FZR1: variants seen among roughly 807,000 people sequenced by gnomAD.
FZR1 encodes the protein fizzy and cell division cycle 20 related 1, also known as fizzy-related protein homolog.
Under a neutral mutation model 63.6 loss-of-function variants are expected in FZR1, and 11 were observed. The observed-to-expected ratio is 0.17, with a 90% CI of 0.11 to 0.29. FZR1 has a LOEUF of 0.29. FZR1 is among the 10% of genes least tolerant of loss of function. The probability of loss-of-function intolerance (pLI) is 1.00; values close to 1 mark genes in which losing one functional copy is unlikely to be tolerated. For synonymous variants in FZR1, 328 were observed against 297.9 expected (o/e 1.10, Z -1.04); for missense variants, 440 against 687.5 (o/e 0.64, Z 4.03).
chr19:3,511,985 A>G (rs1347693338), intron 1 of FZR1, among the ~76,000 whole-genome samples: 1 of 152,184 alleles, frequency 6.6e-6, no homozygotes, highest in Admixed American at 6.5e-5. Flanking sequence ...GTTCTGGTCC[A>G]GAGTCCACCT....
Position 3,527,020 on chromosome 19 carries a change from A to G in FZR1, c.428A>G (p.Asn143Ser). The G allele has an allele frequency of 6.2e-7, 1 of 1,612,842 alleles. No homozygotes were observed. Among genetic ancestry groups the G allele is most frequent in the Non-Finnish European group, 8.5e-7 (1 of 1,179,764 alleles). ...STKRSSPDDG[N>S]DVSPYSLSPV... The stretch of plus-strand genomic sequence containing the variant: ...AAGCGCTCCAGCCCCGATGACGGCA[A>G]CGATGTGTCTCCCTACTCCCTGTCT... Residue 143 changes from asparagine to serine, a missense_variant, in exon 6 of 14, where the codon AAC becomes AGC. Transcript: ENST00000441788.
In FZR1 at chr19:3,526,877, T is replaced by C; in HGVS notation, c.388-103T>C. 1.2e-6 allele frequency: 1 copy of C among 811,400 alleles called. No individual in the cohort carries two copies. Among genetic ancestry groups the C allele is most frequent in the Non-Finnish European group, 2.1e-6 (1 of 484,740 alleles). The allele number at this position is 811,400 out of a possible 1,614,324, so 50.3% of individuals were successfully genotyped here. A position where few individuals can be genotyped will look rare whatever the true frequency, so the allele number is the denominator to read the frequency against. ...CTGCTCCACACAGGGTCTCAGCACC[T>C]GCCTTAGGGCTATGAGCTGTACCGG... is the stretch of plus-strand genomic sequence containing the variant. On this transcript the variant is annotated intron_variant, in intron 5 of 13. Transcript: ENST00000441788. This position sits in a 1 kb window ranked among gnomAD's most constrained non-coding sequence, Gnocchi z 5.4.
intron 6 of FZR1, 117 bp downstream of exon 6, chr19:3,527,179 A>C (rs2083168889): frequency 1.2e-6 from 1 of 825,966 alleles, no homozygotes; most frequent in Admixed American, 1.8e-5. Flanking sequence ...GCGAGGCTGA[A>C]GGGGGCTTCC....
chr19:3,512,610 C>T (rs747846259), intron 1 of FZR1, among the ~76,000 whole-genome samples: 11 of 152,160 alleles, frequency 7.2e-5, no homozygotes, highest in Non-Finnish European at 1.6e-4. Flanking sequence ...CTGGGTGCTT[C>T]GCCCGCCTTG....
At position 3,526,070 on chromosome 19, in the gene FZR1, G is replaced by C. The variant is rs879104160; in HGVS notation, c.196-50G>C. ...CTCCCAGCCTCCTTGCTCTAGGGCC[G>C]GGAACAAGCGGGCTCCTCGACCCCT... On this transcript the variant is annotated intron_variant, in intron 3 of 13. Transcript: ENST00000441788. This position sits in a 1 kb window ranked among gnomAD's most constrained non-coding sequence, Gnocchi z 5.4. 2 of 1,611,124 alleles carry C rather than the reference G, an allele frequency of 1.2e-6. No individual in the cohort carries two copies. The highest frequency in any genetic ancestry group is 1.7e-6 in the Non-Finnish European group (2 of 1,178,734).
At chr19:3,507,382 C>G (rs567800339) in intron 1 of FZR1, among the ~76,000 whole-genome samples, 1 of 152,026 alleles carries the variant, frequency 6.6e-6, no homozygotes, top group East Asian at 1.9e-4. Context: ...GACACCCCCT[C>G]CCCCTCTTCC....
Position 3,515,614 on chromosome 19 carries a change from A to C in FZR1, c.-34-7342A>C, listed in dbSNP as rs1249655138. On this transcript the variant is annotated intron_variant, in intron 1 of 13. Coordinates refer to ENST00000441788, the MANE Select transcript of FZR1 (RefSeq NM_016263.4). This position sits in a 1 kb window ranked among gnomAD's most constrained non-coding sequence, Gnocchi z 4.6. ...AAACCCCGTCTCTACTAAAAATACA[A>C]AAAATTAGGCACTACAGTGGCGGGC... is the stretch of plus-strand genomic sequence containing the variant. 6.6e-6 allele frequency among the ~76,000 whole-genome samples: 1 copy of C among 152,008 alleles called. No homozygotes were observed. The highest frequency in any genetic ancestry group is 2.4e-5 in the African/African-American group (1 of 41,356).
rs2083053310 is a variant in FZR1, at chr19:3,515,623, G to GC, written c.-34-7332dup. ...CTCTACTAAAAATACAAAAAATTAG[G>GC]CACTACAGTGGCGGGCCCCTGTAGT... On this transcript the variant is annotated intron_variant, in intron 1 of 13. Transcript: ENST00000441788. The surrounding 1 kb of genome is among the most constrained non-coding windows in gnomAD (Gnocchi z 4.6). 6.6e-6 allele frequency among the ~76,000 whole-genome samples: 1 copy of GC among 151,858 alleles called. No homozygotes were observed. The highest frequency in any genetic ancestry group is 1.5e-5 in the Non-Finnish European group (1 of 67,968).
intron 7 of FZR1, 61 bp downstream of exon 7, chr19:3,527,875 A>G (rs560830225): frequency 7.6e-4 from 1,016 of 1,341,296 alleles, no homozygotes; most frequent in East Asian, 1.7e-3. Context: ...GCAGACCTCA[A>G]TGTACCCACC....
chr19:3,534,227 TAAA>T (rs3040391), intron 12 of FZR1, 191 bp from the exon 13 acceptor site: 9,037 of 279,462 alleles, frequency 0.032, no homozygotes, highest in East Asian at 0.082. Context: ...GTCTTAAAAT[TAAA>T]AAAAAAAAAA....
intron 7 of FZR1, among the ~76,000 whole-genome samples, chr19:3,528,510 C>CTCTCCCCTGTGTGTGTGTG (rs1259957389): frequency 1.4e-5 from 2 of 148,060 alleles, no homozygotes; most frequent in Non-Finnish European, 3.0e-5. Flanking sequence ...CCCATGCAGG[C>CTCTCCCCTGTGTGTGTGTG]TCTCCCCTGT....
chr19:3,535,093 A>G lies in FZR1; in HGVS notation c.*257A>G. On this transcript the variant is annotated 3_prime_UTR_variant, in exon 14 of 14. Coordinates refer to ENST00000441788, the MANE Select transcript of FZR1 (RefSeq NM_016263.4). ...TCTCCCTTCCCAAAGGGCGAGAACC[A>G]CATTGGACGGTCCCGGCTCAGACCG... The G allele has an allele frequency of 1.8e-6, 1 of 557,618 alleles. No individual in the cohort carries two copies. Among genetic ancestry groups the G allele is most frequent in the Non-Finnish European group, 3.2e-6 (1 of 310,706 alleles). 34.5% of individuals were successfully genotyped at this position (557,618 alleles called of 1,614,324 possible).
chr19:3,534,228 A>T (rs1295188086), intron 12 of FZR1, 193 bp from the exon 13 acceptor site: 20 of 39,008 alleles, frequency 5.1e-4, no homozygotes, highest in East Asian at 5.3e-3. Flanking sequence ...TCTTAAAATT[A>T]AAAAAAAAAA....
chr19:3,518,911 G>A (rs1312635117), intron 1 of FZR1, among the ~76,000 whole-genome samples: 2 of 152,220 alleles, frequency 1.3e-5, no homozygotes, highest in Non-Finnish European at 2.9e-5. Flanking sequence ...CACCTGGAAT[G>A]CTTCTCCACC....
chr19:3,510,993 G>A (rs556654475), intron 1 of FZR1, among the ~76,000 whole-genome samples: 1 of 152,350 alleles, frequency 6.6e-6, no homozygotes, highest in Non-Finnish European at 1.5e-5. Flanking sequence ...GCCTCACCTC[G>A]CCTGGGACCC....
chr19:3,527,595 C>T (rs1258736151), intron 6 of FZR1, 36 bp from the exon 7 acceptor site: 3 of 1,558,642 alleles, frequency 1.9e-6, no homozygotes, highest in Non-Finnish European at 8.7e-7. Flanking sequence ...GACCCAAGTG[C>T]CGTGGCTCAC....
chr19:3,508,035 C>T (rs1163897928), intron 1 of FZR1, among the ~76,000 whole-genome samples: 4 of 150,354 alleles, frequency 2.7e-5, no homozygotes, highest in African/African-American at 7.4e-5. Context: ...TGGTACCCGC[C>T]AGTTTGCCCC....
rs1312498799 is a variant in FZR1, at chr19:3,526,907, G to A, written c.388-73G>A. ...TAGGGCTATGAGCTGTACCGGGAGC[G>A]TGGGCTGCTGGGGGGCTCTGAGGGT... On this transcript the variant is annotated intron_variant, in intron 5 of 13. Transcript: ENST00000441788. The surrounding 1 kb of genome is among the most constrained non-coding windows in gnomAD (Gnocchi z 5.4). The A allele has an allele frequency of 2.3e-5, 24 of 1,021,684 alleles. No homozygotes were observed. Among genetic ancestry groups the A allele is most frequent in the Admixed American group, 8.5e-5 (5 of 58,486 alleles). 63.3% of individuals were successfully genotyped at this position (1,021,684 alleles called of 1,614,324 possible).
intron 1 of FZR1, among the ~76,000 whole-genome samples, chr19:3,511,023 CACAG>C (rs978774405): frequency 3.3e-5 from 5 of 152,270 alleles, no homozygotes; most frequent in East Asian, 1.9e-4. Context: ...AGCTGCATGA[CACAG>C]ACAGAGATGC....
Sources: gnomAD v4.1 joint callset for allele counts (sites outside exome capture counted in the v4.1 genomes callset) on GRCh38, gnomAD v4.1.1 for gene constraint, Gnocchi (gnomAD v3.1) non-coding constraint, MANE v1.5 for transcripts, NCBI Gene and HGNC (gene_info 2026-07-23, HGNC 2026-07-21) for gene names.